The following CDK14 variants were observed in gnomAD, a reference collection of about 807,000 sequenced individuals.
CDK14 encodes cyclin-dependent kinase 14.
A neutral mutation model predicts 60.7 loss-of-function variants in CDK14; 34 were observed. The observed-to-expected ratio is 0.56, with a 90% confidence interval of 0.43 to 0.75. CDK14 has a LOEUF of 0.75. Among genes scored for constraint, CDK14 ranks in the 30% least tolerant of loss-of-function variants. The pLI is 0.00. For missense variants in CDK14, 482 were observed against 564.1 expected (o/e 0.85, Z 1.47); for synonymous variants, 197 against 203.7 (o/e 0.97, Z 0.28).
At chr7:90,733,375 A>G (rs987652942) in intron 3 of CDK14, among the ~76,000 whole-genome samples, 1 of 152,134 alleles carries the variant, frequency 6.6e-6, no homozygotes, top group Non-Finnish European at 1.5e-5. Context: ...AGCTGAGTTC[A>G]AGTCCTAGAT....
At chr7:91,003,077 CA>C (rs1307475284) in intron 10 of CDK14, among the ~76,000 whole-genome samples, 1 of 152,036 alleles carries the variant, frequency 6.6e-6, no homozygotes, top group Non-Finnish European at 1.5e-5. Context: ...TCTCAAAAAA[CA>C]AAAAACAAAC....
intron 10 of CDK14, 114 bp from the exon 11 acceptor site, chr7:91,045,783 G>T: frequency 3.1e-6 from 2 of 635,396 alleles, no homozygotes; most frequent in Admixed American, 2.7e-5. Context: ...TACGATAATG[G>T]AAAAAAAAAT....
intron 11 of CDK14, among the ~76,000 whole-genome samples, chr7:91,057,345 T>C (rs1336124596): frequency 6.6e-6 from 1 of 152,166 alleles, no homozygotes; most frequent in South Asian, 2.1e-4. Context: ...TTTTCTCCGA[T>C]GCTGTAGGTT....
intron 3 of CDK14, among the ~76,000 whole-genome samples, chr7:90,733,900 G>A (rs960407897): frequency 3.9e-5 from 6 of 152,170 alleles, no homozygotes; most frequent in African/African-American, 1.4e-4. Context: ...TTTCTTCATA[G>A]CGTTGATGGT....
At chr7:91,108,802 G>A (rs1422831615) in intron 12 of CDK14, among the ~76,000 whole-genome samples, 1 of 152,146 alleles carries the variant, frequency 6.6e-6, no homozygotes, top group African/African-American at 2.4e-5. Flanking sequence ...TTCATGCAAA[G>A]TCCACATTGC....
At chr7:91,085,439 C>G (rs1305254952) in intron 12 of CDK14, among the ~76,000 whole-genome samples, 1 of 152,212 alleles carries the variant, frequency 6.6e-6, no homozygotes, top group Non-Finnish European at 1.5e-5. Flanking sequence ...TTTCCTCTGC[C>G]TCCAGCAGGA....
intron 11 of CDK14, among the ~76,000 whole-genome samples, chr7:91,066,008 A>C (rs1373632871): frequency 6.6e-6 from 1 of 152,190 alleles, no homozygotes; most frequent in Non-Finnish European, 1.5e-5. Flanking sequence ...TGGGCTCAGC[A>C]TCTCTACCAG....
At chr7:91,058,681 G>C (rs1797668918) in intron 11 of CDK14, among the ~76,000 whole-genome samples, 1 of 152,126 alleles carries the variant, frequency 6.6e-6, no homozygotes, top group Non-Finnish European at 1.5e-5. Flanking sequence ...TTTGTCATTG[G>C]TTCTGTTTAT....
intron 2 of CDK14, among the ~76,000 whole-genome samples, chr7:90,646,006 G>T (rs1033020722): frequency 2.0e-5 from 3 of 152,192 alleles, no homozygotes; most frequent in Non-Finnish European, 4.4e-5. Context: ...GGTGGAGTCT[G>T]TGGGCAGGAG....
At chr7:90,791,976 C>T (rs1805850156) in intron 5 of CDK14, among the ~76,000 whole-genome samples, 1 of 151,100 alleles carries the variant, frequency 6.6e-6, no homozygotes, top group Non-Finnish European at 1.5e-5. Flanking sequence ...AATCTCGGCT[C>T]ACTGCAACCT....
intron 10 of CDK14, among the ~76,000 whole-genome samples, chr7:91,026,800 C>A (rs1237350599): frequency 6.6e-6 from 1 of 152,130 alleles, no homozygotes; most frequent in African/African-American, 2.4e-5. Context: ...TATGGTGAGG[C>A]CCCCTCCTCC....
intron 2 of CDK14, among the ~76,000 whole-genome samples, chr7:90,637,117 TC>T (rs1266887957): frequency 2.6e-5 from 4 of 152,186 alleles, no homozygotes; most frequent in Non-Finnish European, 1.5e-5. Flanking sequence ...TAAAGGGTTT[TC>T]TTGGTCTCTA....
At chr7:90,895,968 A>G (rs1792324739) in intron 6 of CDK14, among the ~76,000 whole-genome samples, 1 of 151,990 alleles carries the variant, frequency 6.6e-6, no homozygotes, top group Admixed American at 6.6e-5. Flanking sequence ...TTGTTTTATT[A>G]GGCTTTTCAT....
intron 5 of CDK14, among the ~76,000 whole-genome samples, chr7:90,815,186 C>G (rs1254908911): frequency 6.6e-6 from 1 of 152,098 alleles, no homozygotes; most frequent in Non-Finnish European, 1.5e-5. Flanking sequence ...TGGTGTGAAC[C>G]AAGCACTGAC....
At chr7:90,715,704 G>A (rs955241568) in intron 2 of CDK14, among the ~76,000 whole-genome samples, 3 of 139,696 alleles carry the variant, frequency 2.1e-5, no homozygotes, top group Non-Finnish European at 4.6e-5. Context: ...AGGGAATAGT[G>A]TCTTGATGAA....
intron 11 of CDK14, among the ~76,000 whole-genome samples, chr7:91,050,398 G>C (rs1797356816): frequency 6.6e-6 from 1 of 151,302 alleles, no homozygotes; most frequent in African/African-American, 2.4e-5. Flanking sequence ...AACTCAACAT[G>C]GTTTTCCCTT....
At chr7:90,997,450 G>T (rs3808283) in intron 10 of CDK14, among the ~76,000 whole-genome samples, 10,588 of 152,144 alleles carry the variant, frequency 0.07, 438 homozygotes, top group East Asian at 0.18. Flanking sequence ...TCTTTCATTT[G>T]TTTGTTTAAA....
At chr7:90,861,452 G>T (rs1159184829) in intron 5 of CDK14, among the ~76,000 whole-genome samples, 1 of 152,154 alleles carries the variant, frequency 6.6e-6, no homozygotes, top group Non-Finnish European at 1.5e-5. Context: ...AACAGTACAG[G>T]GGTGTGGAGG....
chr7:90,697,225 T>C (rs188041207), intron 2 of CDK14, among the ~76,000 whole-genome samples: 31 of 152,328 alleles, frequency 2.0e-4, no homozygotes, highest in African/African-American at 7.5e-4. Context: ...ATGATAGTTT[T>C]ATTCCCCTTT....
Sources: allele counts gnomAD v4.1 joint callset (sites outside exome capture counted in the v4.1 genomes callset), GRCh38; gene constraint gnomAD v4.1.1; transcripts MANE v1.5; gene names NCBI Gene and HGNC (gene_info 2026-07-23, HGNC 2026-07-21).